Variants in AHRR observed in about 807,000 individuals in gnomAD.
AHRR encodes ahR repressor.
AHRR carries 28 observed loss-of-function variants against 44.0 expected under a neutral mutation model. The observed-to-expected ratio is 0.64, with a 90% CI of 0.47 to 0.87. The LOEUF (loss-of-function observed/expected upper bound fraction) is 0.87. AHRR is among the 40% of genes least tolerant of loss of function. The probability of loss-of-function intolerance (pLI) is 0.00; values close to 1 mark genes in which losing one functional copy is unlikely to be tolerated. For synonymous variants in AHRR, 434 were observed against 407.0 expected (o/e 1.07, Z -0.80); for missense variants, 990 against 953.9 (o/e 1.04, Z -0.50).
intron 1 of AHRR, among the ~76,000 whole-genome samples, chr5:324,414 C>T (rs888089475): frequency 9.3e-5 from 14 of 150,350 alleles, no homozygotes; most frequent in Non-Finnish European, 1.0e-4. Context: ...GGTGCTTCCA[C>T]TTGGAATTTT....
chr5:340,477 A>C (rs1742291113), intron 1 of AHRR, among the ~76,000 whole-genome samples: 2 of 150,820 alleles, frequency 1.3e-5, no homozygotes, highest in Admixed American at 1.3e-4. Context: ...GCATCCTCAC[A>C]TGGTGGAGAG....
chr5:331,049 G>C (rs999579671), intron 1 of AHRR, among the ~76,000 whole-genome samples: 20 of 151,598 alleles, frequency 1.3e-4, no homozygotes, highest in African/African-American at 4.6e-4. Flanking sequence ...GCTAATTTTT[G>C]TATTTTTAGT....
chr5:343,871 C>T (rs112927558), intron 1 of AHRR, 22 bp from the exon 2 acceptor site: 72,449 of 1,587,892 alleles, frequency 0.046, 1,962 homozygotes, highest in Non-Finnish European at 0.055. Flanking sequence ...TTCCGGTGAC[C>T]GGGTGCCCCC....
intron 10 of AHRR, 98 bp from the exon 11 acceptor site, chr5:433,755 C>G: frequency 1.5e-6 from 2 of 1,303,568 alleles, no homozygotes; most frequent in Non-Finnish European, 2.0e-6. Flanking sequence ...GATTTAGCAT[C>G]GTCCTGATTT....
chr5:332,929 C>CTTTTTTTTTTTTTTTTTTTTTTTT (rs57937804), intron 1 of AHRR, among the ~76,000 whole-genome samples: 2 of 132,082 alleles, frequency 1.5e-5, no homozygotes, highest in African/African-American at 6.1e-5. Flanking sequence ...TGACCTTTGT[C>CTTTTTTTTTTTTTTTTTTTTTTTT]TTTTTTTTTT....
intron 3 of AHRR, among the ~76,000 whole-genome samples, chr5:361,864 A>T (rs1743196984): frequency 6.6e-6 from 1 of 152,192 alleles, no homozygotes; most frequent in Non-Finnish European, 1.5e-5. Flanking sequence ...GATGGTAGTT[A>T]AATGAAACTT....
At chr5:325,852 G>C (rs1235681932) in intron 1 of AHRR, among the ~76,000 whole-genome samples, 1 of 152,032 alleles carries the variant, frequency 6.6e-6, no homozygotes, top group Non-Finnish European at 1.5e-5. Flanking sequence ...GCGTGATCTT[G>C]GCTTACTTCT....
chr5:343,650 C>G lies in AHRR; in HGVS notation c.-10-243C>G, dbSNP rs1742445898. 6.1e-6 allele frequency: 3 copies of G among 490,392 alleles called. No individual in the cohort carries two copies. The East Asian group carries it at 1.2e-4, about 19-fold the overall frequency. 30.4% of individuals were successfully genotyped at this position (490,392 alleles called of 1,614,324 possible). ...AGCAGGCGGCTTCTCTGGGGGAGGC[C>G]GGGACCCGCCTGACACCGAGGGGAG... is the stretch of plus-strand genomic sequence containing the variant. On this transcript the variant is annotated intron_variant, in intron 1 of 10. Transcript: ENST00000684583.
rs1579675676 is a variant in AHRR, at chr5:404,338, T to C, written c.352-9006T>C. On this transcript the variant is annotated intron_variant, in intron 4 of 10. Coordinates refer to ENST00000684583, the MANE Select transcript of AHRR (RefSeq NM_001377236.1). This position sits in a 1 kb window ranked among gnomAD's most constrained non-coding sequence, Gnocchi z 4.1. Reference sequence around the variant, plus strand: ...AGTGTTACTAAAAGCTGTTTCACTCTTTTTTTTTTCTTTTTTCCTTCATTC... The same window carrying C: ...AGTGTTACTAAAAGCTGTTTCACTCCTTTTTTTTTCTTTTTTCCTTCATTC... The C allele has an allele frequency of 6.4e-6, 1 of 155,222 alleles. No individual in the cohort carries two copies. The highest frequency in any genetic ancestry group is 1.4e-5 in the Non-Finnish European group (1 of 72,992). The allele number at this position is 155,222 out of a possible 1,614,324, so 9.6% of individuals were successfully genotyped here.
chr5:425,613 C>T (rs1207294641), intron 7 of AHRR, among the ~76,000 whole-genome samples: 3 of 152,122 alleles, frequency 2.0e-5, no homozygotes, highest in African/African-American at 4.8e-5. Flanking sequence ...ATAACCAATT[C>T]CTGGTTAATT....
chr5:391,475 G>GCAGGGCGAGGAGGGC, intron 4 of AHRR, among the ~76,000 whole-genome samples: 1 of 74,118 alleles, frequency 1.3e-5, no homozygotes, highest in African/African-American at 1.6e-4. Flanking sequence ...CGTGCACGGG[G>GCAGGGCGAGGAGGGC]GCAGGGCGAG....
rs78091523 is a variant in AHRR at position 435,319 on chromosome 5, A to G, written c.*485A>G. On this transcript the variant is annotated 3_prime_UTR_variant, in exon 11 of 11. Transcript: ENST00000684583. The stretch of plus-strand genomic sequence containing the variant: ...CCCTCCCAGGCCACCTGCAGCTCCC[A>G]GCCTGTGCTGTGCAGGCAGGGTCAG... 23,054 of 182,464 alleles carry G rather than the reference A, an allele frequency of 0.13. 1,986 individuals carry two copies. Among genetic ancestry groups the G allele is most frequent in the Non-Finnish European group, 0.19 (16,129 of 85,626 alleles). The allele number at this position is 182,464 out of a possible 1,614,324, so 11.3% of individuals were successfully genotyped here.
rs202117783 is a variant in AHRR at position 427,862 on chromosome 5, C to T, written c.764C>T (p.Pro255Leu). ...KFLFGQKKKA[P>L]SGAMLPPRLS... ...CTGTTTGGACAGAAGAAGAAGGCGC[C>T]GTCAGGAGCCATGCTCCCGCCGCGG... The change falls in exon 8 of 11, where the codon CCG becomes CTG. Residue 255 changes from proline to leucine, a missense_variant. By Grantham distance (98) the Pro-to-Leu change is moderately conservative. Coordinates refer to ENST00000684583, the MANE Select transcript of AHRR (RefSeq NM_001377236.1). 271 of 1,614,014 alleles carry T rather than the reference C, an allele frequency of 1.7e-4. 1 individual carries two copies. The highest frequency in any genetic ancestry group is 1.2e-3 in the South Asian group (111 of 91,094).
rs1196353776 is a variant in AHRR, at chr5:326,192, T to C, written c.-11+4373T>C. Among the ~76,000 whole-genome samples, 2 of 152,214 alleles carry C rather than the reference T, an allele frequency of 1.3e-5. No individual in the cohort carries two copies. Among genetic ancestry groups the C allele is most frequent in the Non-Finnish European group, 2.9e-5 (2 of 68,036 alleles). The stretch of plus-strand genomic sequence containing the variant: ...TTGACGAAGTTGTGCAGCCACTGCC[T>C]CTCTCTAGCTCCAAAACCTCTTCAT... On this transcript the variant is annotated intron_variant, in intron 1 of 10. Coordinates refer to ENST00000684583, the MANE Select transcript of AHRR (RefSeq NM_001377236.1). The surrounding 1 kb of genome is among the most constrained non-coding windows in gnomAD (Gnocchi z 4.1).
intron 1 of AHRR, among the ~76,000 whole-genome samples, chr5:343,357 C>CG (rs1223613058): frequency 3.4e-5 from 4 of 119,100 alleles, no homozygotes; most frequent in African/African-American, 6.9e-5. Context: ...CGTACCTTCT[C>CG]GGGGTGATGG....
intron 4 of AHRR, among the ~76,000 whole-genome samples, chr5:397,485 A>G (rs1385527713): frequency 4.5e-5 from 4 of 88,578 alleles, no homozygotes; most frequent in South Asian, 5.6e-4. Flanking sequence ...GCCCCTGACC[A>G]TCCACGTAGC....
intron 4 of AHRR, among the ~76,000 whole-genome samples, chr5:393,949 G>A (rs1734585439): frequency 6.6e-6 from 1 of 152,222 alleles, no homozygotes; most frequent in Non-Finnish European, 1.5e-5. Context: ...TTTCTTTCTG[G>A]TGGTCGAGAG....
intron 4 of AHRR, among the ~76,000 whole-genome samples, chr5:385,292 A>G (rs1734134678): frequency 6.6e-6 from 1 of 151,962 alleles, no homozygotes; most frequent in Admixed American, 6.6e-5. Flanking sequence ...CTTTTGCCTC[A>G]GCCTCCCAAA....
intron 3 of AHRR, among the ~76,000 whole-genome samples, chr5:361,218 C>T (rs1300303715): frequency 1.1e-4 from 17 of 152,130 alleles, no homozygotes; most frequent in African/African-American, 3.6e-4. Context: ...CCAGCCTGGG[C>T]GACAGAGCAA....
Sources: gnomAD v4.1 joint callset for allele counts (sites outside exome capture counted in the v4.1 genomes callset) on GRCh38, gnomAD v4.1.1 for gene constraint, Gnocchi (gnomAD v3.1) non-coding constraint, MANE v1.5 for transcripts, NCBI Gene and HGNC (gene_info 2026-07-23, HGNC 2026-07-21) for gene names.